The following QTMAN variants were observed in gnomAD, a reference collection of about 807,000 sequenced individuals.
QTMAN encodes queuosine-tRNA mannosyltransferase, also known as tRNA-queuosine alpha-mannosyltransferase.
the QTMAN span, among the ~76,000 whole-genome samples, chr2:144,063,095 C>A: frequency 6.6e-6 from 1 of 152,268 alleles, no homozygotes; most frequent in South Asian, 2.1e-4. Flanking sequence ...ATTTATGAGG[C>A]TACCCTGCTG....
chr2:144,100,404 C>A, the QTMAN span, among the ~76,000 whole-genome samples: 10 of 152,210 alleles, frequency 6.6e-5, no homozygotes, highest in Non-Finnish European at 1.3e-4. Flanking sequence ...GCCCTGTTCA[C>A]AGTAAATTAA....
chr2:143,967,206 C>T, the QTMAN span, among the ~76,000 whole-genome samples: 61 of 152,288 alleles, frequency 4.0e-4, no homozygotes, highest in African/African-American at 1.4e-3. Context: ...GAAAGAAGCA[C>T]ACTTTCAATT....
the QTMAN span, among the ~76,000 whole-genome samples, chr2:144,014,130 C>T: frequency 2.0e-5 from 3 of 152,108 alleles, no homozygotes; most frequent in African/African-American, 4.8e-5. Flanking sequence ...CTTGGCTGGT[C>T]GGCTGCAGTA....
the QTMAN span, among the ~76,000 whole-genome samples, chr2:144,204,981 C>T: frequency 1.0e-3 from 107 of 105,876 alleles, no homozygotes; most frequent in African/African-American, 3.7e-3. Flanking sequence ...CATCACACAC[C>T]GGGGCCTGTT....
At chr2:144,215,295 C>CATATATATATATAT in the QTMAN span, among the ~76,000 whole-genome samples, 2 of 148,714 alleles carry the variant, frequency 1.3e-5, no homozygotes, top group African/African-American at 5.0e-5. Flanking sequence ...CACACACACA[C>CATATATATATATAT]ACATATATAT....
At chr2:144,107,628 A>T in the QTMAN span, among the ~76,000 whole-genome samples, 1 of 152,192 alleles carries the variant, frequency 6.6e-6, no homozygotes, top group Admixed American at 6.5e-5. Flanking sequence ...TACCAACCCA[A>T]AAAAGTCCAG....
the QTMAN span, among the ~76,000 whole-genome samples, chr2:144,289,686 T>C: frequency 6.6e-6 from 1 of 152,252 alleles, no homozygotes; most frequent in African/African-American, 2.4e-5. Flanking sequence ...AAAATGGCAA[T>C]TGTAAATCTT....
chr2:144,330,796 T>C, the QTMAN span, among the ~76,000 whole-genome samples: 1 of 152,236 alleles, frequency 6.6e-6, no homozygotes, highest in Non-Finnish European at 1.5e-5. Context: ...AGACTACTAG[T>C]TCTATTCAGC....
the QTMAN span, among the ~76,000 whole-genome samples, chr2:144,142,776 C>G: frequency 6.6e-6 from 1 of 151,922 alleles, no homozygotes; most frequent in African/African-American, 2.4e-5. Flanking sequence ...CATAAAGGTA[C>G]ATATAAATTA....
chr2:144,164,361 T>C, the QTMAN span, among the ~76,000 whole-genome samples: 40 of 152,230 alleles, frequency 2.6e-4, no homozygotes, highest in East Asian at 4.8e-3. Flanking sequence ...GCTTGGTACA[T>C]TGTAGGCATG....
the QTMAN span, among the ~76,000 whole-genome samples, chr2:143,980,593 A>G: frequency 1.3e-5 from 2 of 152,174 alleles, no homozygotes; most frequent in African/African-American, 4.8e-5. Context: ...ATGAATATAG[A>G]GAATCTTCAC....
the QTMAN span, among the ~76,000 whole-genome samples, chr2:143,998,587 A>G: frequency 1.6e-4 from 25 of 152,138 alleles, no homozygotes; most frequent in African/African-American, 4.8e-4. Context: ...AGGATTTCAC[A>G]TAAGAGTTTA....
chr2:143,957,302 A>G, the QTMAN span: 1 of 1,605,190 alleles, frequency 6.2e-7, no homozygotes, highest in Non-Finnish European at 8.5e-7. Flanking sequence ...AGTGTAAGAC[A>G]GAAGATCCCA....
At chr2:144,300,617 T>C in the QTMAN span, among the ~76,000 whole-genome samples, 1 of 152,120 alleles carries the variant, frequency 6.6e-6, no homozygotes, top group Non-Finnish European at 1.5e-5. Flanking sequence ...AAAAACAGTG[T>C]CAAAAGTGAA....
chr2:144,073,917 T>C, the QTMAN span, among the ~76,000 whole-genome samples: 2 of 152,180 alleles, frequency 1.3e-5, no homozygotes, highest in Non-Finnish European at 2.9e-5. Flanking sequence ...CATCCCATTC[T>C]ACAAATGAGG....
chr2:144,200,832 C>T, the QTMAN span, among the ~76,000 whole-genome samples: 1 of 152,060 alleles, frequency 6.6e-6, no homozygotes, highest in Non-Finnish European at 1.5e-5. Context: ...TAACACCAGC[C>T]CTTAAGTGAC....
chr2:144,284,416 T>G, the QTMAN span, among the ~76,000 whole-genome samples: 1 of 152,004 alleles, frequency 6.6e-6, no homozygotes, highest in East Asian at 1.9e-4. Flanking sequence ...TTATGATAAT[T>G]AAGTAAAAAA....
chr2:144,268,853 G>A, the QTMAN span, among the ~76,000 whole-genome samples: 21 of 151,886 alleles, frequency 1.4e-4, 1 homozygote, highest in South Asian at 1.7e-3. Flanking sequence ...GCAATGGCAC[G>A]ATCTCGGCTC....
the QTMAN span, among the ~76,000 whole-genome samples, chr2:144,220,455 G>C: frequency 6.6e-6 from 1 of 152,302 alleles, no homozygotes; most frequent in South Asian, 2.1e-4. Flanking sequence ...TATCTATTTA[G>C]TGGCCTTGCC....
Sources: gnomAD v4.1 joint callset for allele counts (sites outside exome capture counted in the v4.1 genomes callset) on GRCh38, gnomAD v4.1.1 for gene constraint, MANE v1.5 for transcripts, NCBI Gene and HGNC (gene_info 2026-07-23, HGNC 2026-07-21) for gene names.